The following CHL1 variants were observed in gnomAD, a reference collection of about 807,000 sequenced individuals.
CHL1 encodes neural cell adhesion molecule L1-like protein.
Under a neutral mutation model 141.9 loss-of-function variants are expected in CHL1, and 96 were observed. The observed-to-expected ratio is 0.68, with a 90% CI of 0.57 to 0.80. CHL1 has a LOEUF of 0.80. Among genes scored for constraint, CHL1 ranks in the 30% least tolerant of loss-of-function variants. The pLI is 0.00. For synonymous variants in CHL1, 613 were observed against 502.2 expected (o/e 1.22, Z -2.95); for missense variants, 1,820 against 1,457.2 (o/e 1.25, Z -4.05).
intron 13 of CHL1, 128 bp from the exon 14 acceptor site, chr3:363,089 T>G: frequency 1.4e-6 from 1 of 711,392 alleles, no homozygotes; most frequent in Non-Finnish European, 2.3e-6. Context: ...TGAAACCCAC[T>G]GGAACATTTC....
intron 2 of CHL1, among the ~76,000 whole-genome samples, chr3:304,316 G>A (rs1295633429): frequency 6.6e-6 from 1 of 152,170 alleles, no homozygotes; most frequent in Non-Finnish European, 1.5e-5. Flanking sequence ...AGAAGGAATG[G>A]TACCAGCTCT....
chr3:220,924 C>A (rs1224094867), intron 1 of CHL1, among the ~76,000 whole-genome samples: 2 of 152,190 alleles, frequency 1.3e-5, no homozygotes, highest in Non-Finnish European at 2.9e-5. Context: ...TCAATTGTCT[C>A]TGAAGCCTAC....
chr3:246,296 G>A (rs1215470053), intron 2 of CHL1, among the ~76,000 whole-genome samples: 4 of 151,974 alleles, frequency 2.6e-5, no homozygotes, highest in African/African-American at 9.7e-5. Context: ...TTATGAAAAT[G>A]GATGGTAACC....
At chr3:255,664 C>T (rs1694088497) in intron 2 of CHL1, among the ~76,000 whole-genome samples, 1 of 152,192 alleles carries the variant, frequency 6.6e-6, no homozygotes, top group South Asian at 2.1e-4. Flanking sequence ...AATGGATCAT[C>T]TGTGTACTTC....
chr3:212,446 A>G (rs952211679), intron 1 of CHL1, among the ~76,000 whole-genome samples: 1 of 152,124 alleles, frequency 6.6e-6, no homozygotes, highest in East Asian at 1.9e-4. Context: ...TTCACTCACC[A>G]TTCTGGAAAA....
At chr3:288,210 G>T (rs188199394) in intron 2 of CHL1, among the ~76,000 whole-genome samples, 1 of 152,174 alleles carries the variant, frequency 6.6e-6, no homozygotes, top group African/African-American at 2.4e-5. Flanking sequence ...TCACCAGAAA[G>T]TTGGTCACTA....
chr3:230,224 A>C (rs1293983507), intron 1 of CHL1, among the ~76,000 whole-genome samples: 1 of 152,196 alleles, frequency 6.6e-6, no homozygotes, highest in Non-Finnish European at 1.5e-5. Flanking sequence ...ATGTCTTTTA[A>C]GCTCCTATAT....
In CHL1 at chr3:408,457, C is replaced by CA. The variant is rs1417524253; in HGVS notation, c.*2748dup. Reference sequence around the variant, plus strand: ...TTAACCTTTTTATTTCAAACTCTCTCAACTCTAAAGTGCTAATAATAATCT... The same window carrying CA: ...TTAACCTTTTTATTTCAAACTCTCTCAAACTCTAAAGTGCTAATAATAATCT... On this transcript the variant is annotated 3_prime_UTR_variant, in exon 28 of 28. Transcript: ENST00000256509. The CA allele has an allele frequency of 6.6e-6, 1 of 152,078 alleles. No homozygotes were observed. The highest frequency in any genetic ancestry group is 1.5e-5 in the Non-Finnish European group (1 of 68,002). The allele number at this position is 152,078 out of a possible 1,614,324, so 9.4% of individuals were successfully genotyped here.
chr3:378,059 C>A (rs2125368539), intron 16 of CHL1, 117 bp downstream of exon 16: 3 of 882,506 alleles, frequency 3.4e-6, no homozygotes, highest in Middle Eastern at 2.5e-4. Flanking sequence ...TTGTTAGTTT[C>A]AAATTTTTGT....
At position 355,000 on chromosome 3, in the gene CHL1, T is replaced by C. The variant is rs568766131; in HGVS notation, c.1165+229T>C. On this transcript the variant is annotated intron_variant, in intron 11 of 27. Transcript: ENST00000256509. ...TGCCTGTGCCCTCTTATAAATTATA[T>C]ATAAGAATAAAGATTTTTAATTTTT... Among the ~76,000 whole-genome samples, 5 of 152,252 alleles carry C rather than the reference T, an allele frequency of 3.3e-5. No individual in the cohort carries two copies. In the East Asian group the frequency reaches 9.6e-4, roughly 29 times the overall value.
intron 19 of CHL1, among the ~76,000 whole-genome samples, chr3:386,012 A>T (rs958598981): frequency 1.3e-5 from 2 of 151,978 alleles, no homozygotes; most frequent in East Asian, 3.9e-4. Context: ...ATCACTACTG[A>T]CACAGCCAGT....
chr3:344,047 C>A (rs932511195), intron 8 of CHL1, among the ~76,000 whole-genome samples: 3 of 152,066 alleles, frequency 2.0e-5, no homozygotes, highest in Admixed American at 2.0e-4. Context: ...CTAGTCATTT[C>A]CTAAAACTGT....
At chr3:398,163 A>G in intron 24 of CHL1, 64 bp from the exon 25 acceptor site, 1 of 1,185,270 alleles carries the variant, frequency 8.4e-7, no homozygotes, top group Non-Finnish European at 1.2e-6. Context: ...TAACAACAAT[A>G]TTTTTTTATG....
intron 1 of CHL1, among the ~76,000 whole-genome samples, chr3:240,698 C>T (rs390443): frequency 0.95 from 145,449 of 152,308 alleles, 69,557 homozygotes; most frequent in East Asian, 1. Flanking sequence ...GTTTTTCTGA[C>T]GTTATCTTCT....
rs148472491 is a variant in CHL1 at position 391,228 on chromosome 3, C to A, written c.2791+69C>A. ...TCCATGGCCATATTAAACATTCTTCCTTATGGCCAGGCACAGTGGCTCATG... is the reference window on the plus strand; with the variant it reads ...TCCATGGCCATATTAAACATTCTTCATTATGGCCAGGCACAGTGGCTCATG... On this transcript the variant is annotated intron_variant, in intron 22 of 27. Transcript: ENST00000256509. The A allele has an allele frequency of 1.1e-3, 1,396 of 1,272,586 alleles. 26 individuals carry two copies. In the East Asian group the frequency reaches 0.03, roughly 27 times the overall value. 78.8% of individuals were successfully genotyped at this position (1,272,586 alleles called of 1,614,324 possible).
At chr3:269,193 T>C (rs987199227) in intron 2 of CHL1, among the ~76,000 whole-genome samples, 1 of 151,842 alleles carries the variant, frequency 6.6e-6, no homozygotes, top group Admixed American at 6.6e-5. Flanking sequence ...AGGAGGAGAG[T>C]AGCTCTTTGA....
intron 9 of CHL1, among the ~76,000 whole-genome samples, chr3:347,366 G>T (rs921595766): frequency 1.3e-5 from 2 of 151,972 alleles, no homozygotes; most frequent in Non-Finnish European, 1.5e-5. Context: ...CTTAAATGCT[G>T]TTAGTAAATG....
chr3:390,056 G>C (rs183488362), intron 20 of CHL1, among the ~76,000 whole-genome samples: 2 of 152,150 alleles, frequency 1.3e-5, no homozygotes, highest in Non-Finnish European at 2.9e-5. Flanking sequence ...TGCCTTTCCA[G>C]CATCTAAAGG....
intron 15 of CHL1, among the ~76,000 whole-genome samples, chr3:372,694 A>ATT (rs1200549260): frequency 3.3e-4 from 50 of 151,276 alleles, no homozygotes; most frequent in African/African-American, 1.0e-3. Context: ...GGTTTTTAGC[A>ATT]TTTTTTTTGT....
Sources: allele counts gnomAD v4.1 joint callset (sites outside exome capture counted in the v4.1 genomes callset), GRCh38; gene constraint gnomAD v4.1.1; transcripts MANE v1.5; gene names NCBI Gene and HGNC (gene_info 2026-07-23, HGNC 2026-07-21).